PTGES3: variants seen among roughly 807,000 people sequenced by gnomAD.
PTGES3 encodes Hsp90 co-chaperone.
A neutral mutation model predicts 29.9 loss-of-function variants in PTGES3; 5 were observed. The observed-to-expected ratio is 0.17, with a 90% confidence interval of 0.09 to 0.35. The LOEUF (loss-of-function observed/expected upper bound fraction) is 0.35. PTGES3 is among the 10% of genes least tolerant of loss of function. The pLI, the probability that PTGES3 is intolerant of heterozygous loss-of-function variation, is 1.00. For missense variants in PTGES3, 128 were observed against 190.0 expected (o/e 0.67, Z 1.92); for synonymous variants, 49 against 57.8 (o/e 0.85, Z 0.69).
At chr12:56,674,825 C>CAAAAAAAAAAAAAAAAAAAA (rs869222252) in intron 1 of PTGES3, among the ~76,000 whole-genome samples, 4 of 16,110 alleles carry the variant, frequency 2.5e-4, no homozygotes, top group Non-Finnish European at 3.8e-4. Context: ...GACTCCATCT[C>CAAAAAAAAAAAAAAAAAAAA]AAAAAAAAAA....
At position 56,688,082 on chromosome 12, in the gene PTGES3, G is replaced by T; in HGVS notation, c.-83C>A. 1 of 1,444,338 alleles carries T rather than the reference G, an allele frequency of 6.9e-7. No individual in the cohort carries two copies. Among genetic ancestry groups the T allele is most frequent in the East Asian group, 2.7e-5 (1 of 36,410 alleles). 89.5% of individuals were successfully genotyped at this position (1,444,338 alleles called of 1,614,324 possible). On this transcript the variant is annotated 5_prime_UTR_variant, in exon 1 of 8. Transcript: ENST00000262033. ...CTGCTAGGGAGTCGACTTCTCTCCG[G>T]TGGCGACTCCGCTTTTTCTCTCCGG...
rs368571633 is a variant in PTGES3 at position 56,683,875 on chromosome 12, C to T, written c.2+4123G>A. ...TCGGGAGGCTGAGGCAAGAGAATGG[C>T]GTGAACCCCAGGGGGCGGAGCCTGC... On this transcript the variant is annotated intron_variant, in intron 1 of 7. Coordinates refer to ENST00000262033, the MANE Select transcript of PTGES3 (RefSeq NM_006601.7). Among the ~76,000 whole-genome samples the T allele has an allele frequency of 3.5e-3, 498 of 142,176 alleles. 1 individual carries two copies. The highest frequency in any genetic ancestry group is 0.012 in the African/African-American group (470 of 38,362). The allele number at this position is 142,176 out of a possible 152,430, so 93.3% of individuals were successfully genotyped here. A position where few individuals can be genotyped will look rare whatever the true frequency, so the allele number is the denominator to read the frequency against.
intron 6 of PTGES3, 158 bp downstream of exon 6, chr12:56,666,046 C>A: frequency 7.2e-7 from 1 of 1,390,890 alleles, no homozygotes; most frequent in Non-Finnish European, 9.4e-7. Context: ...TACCCCCATT[C>A]GTCAAAAATG....
chr12:56,676,599 C>T (rs937894314), intron 1 of PTGES3, among the ~76,000 whole-genome samples: 4 of 151,984 alleles, frequency 2.6e-5, no homozygotes, highest in Admixed American at 2.0e-4. Flanking sequence ...AAAAAGAGTG[C>T]TCAAAAGACG....
intron 4 of PTGES3, among the ~76,000 whole-genome samples, chr12:56,671,360 C>T (rs1951997868): frequency 6.6e-6 from 1 of 152,162 alleles, no homozygotes; most frequent in Non-Finnish European, 1.5e-5. Context: ...GATCGTGCCA[C>T]TGCACTCCAG....
intron 5 of PTGES3, among the ~76,000 whole-genome samples, chr12:56,669,007 A>ATT (rs577249197): frequency 1.4e-4 from 14 of 97,074 alleles, no homozygotes; most frequent in Middle Eastern, 6.6e-3. Context: ...TTCACCATGA[A>ATT]TTTTTTTTTT....
intron 5 of PTGES3, among the ~76,000 whole-genome samples, chr12:56,668,987 T>C (rs1001675298): frequency 6.7e-6 from 1 of 148,254 alleles, no homozygotes; most frequent in South Asian, 2.1e-4. Context: ...GTATATCTCA[T>C]GGTAAACATT....
intron 1 of PTGES3, chr12:56,686,963 C>T (rs1952893254): frequency 6.7e-6 from 2 of 299,132 alleles, no homozygotes; most frequent in Non-Finnish European, 1.2e-5. Context: ...GTTCTCCATA[C>T]CTTTTAGGAC....
intron 1 of PTGES3, chr12:56,687,510 CGAGGTCCGCGTGGGGCTCTCCCAG>C (rs1279799121): frequency 1.0e-6 from 1 of 998,390 alleles, no homozygotes; most frequent in East Asian, 1.1e-4. Flanking sequence ...CAGCTCACGG[CGAGGTCCGCGTGGGGCTCTCCCAG>C]GAGCTCCGCC....
intron 1 of PTGES3, among the ~76,000 whole-genome samples, chr12:56,684,312 A>C (rs1268062502): frequency 6.6e-6 from 1 of 152,186 alleles, no homozygotes; most frequent in East Asian, 1.9e-4. Flanking sequence ...TCCAGTTTCT[A>C]CTGCCTTCTA....
At chr12:56,687,885 A>G (rs1374748904) in intron 1 of PTGES3, 113 bp downstream of exon 1, 2 of 1,582,650 alleles carry the variant, frequency 1.3e-6, no homozygotes, top group Non-Finnish European at 1.7e-6. Flanking sequence ...GCCCCCAGGC[A>G]GGAACGACTG....
At chr12:56,686,634 C>T (rs547767193) in intron 1 of PTGES3, among the ~76,000 whole-genome samples, 3 of 152,152 alleles carry the variant, frequency 2.0e-5, no homozygotes, top group Admixed American at 2.0e-4. Flanking sequence ...GCCTCGGCCT[C>T]TCAGAGTGCT....
chr12:56,666,871 C>T (rs1443790409), intron 5 of PTGES3, among the ~76,000 whole-genome samples: 1 of 152,158 alleles, frequency 6.6e-6, no homozygotes, highest in African/African-American at 2.4e-5. Context: ...TAGTGATCCA[C>T]CCACCTTGGC....
intron 1 of PTGES3, among the ~76,000 whole-genome samples, chr12:56,685,123 A>T (rs544176674): frequency 6.6e-6 from 1 of 152,256 alleles, no homozygotes; most frequent in South Asian, 2.1e-4. Flanking sequence ...CACTTTTAAA[A>T]CAAGTTATCA....
chr12:56,672,621 T>C (rs1565865082), intron 3 of PTGES3, 119 bp downstream of exon 3: 1 of 1,163,178 alleles, frequency 8.6e-7, no homozygotes, highest in Non-Finnish European at 1.1e-6. Context: ...AAAATGTAAA[T>C]ATACATAGTT....
At chr12:56,686,817 C>T (rs918420141) in intron 1 of PTGES3, 2 of 398,196 alleles carry the variant, frequency 5.0e-6, no homozygotes, top group Non-Finnish European at 8.8e-6. Context: ...AGATTTCTAG[C>T]CAATATACTC....
At chr12:56,678,592 A>C (rs772819253) in intron 1 of PTGES3, among the ~76,000 whole-genome samples, 2 of 152,176 alleles carry the variant, frequency 1.3e-5, no homozygotes, top group Non-Finnish European at 2.9e-5. Flanking sequence ...TTGGTGCATC[A>C]ATTTTTTATA....
intron 1 of PTGES3, among the ~76,000 whole-genome samples, chr12:56,685,546 G>A (rs1486341220): frequency 1.3e-5 from 2 of 150,072 alleles, no homozygotes; most frequent in Admixed American, 6.7e-5. Flanking sequence ...GACCACAGGC[G>A]CCCGCCACCA....
chr12:56,684,101 T>C (rs1952713193), intron 1 of PTGES3, among the ~76,000 whole-genome samples: 1 of 152,148 alleles, frequency 6.6e-6, no homozygotes, highest in African/African-American at 2.4e-5. Context: ...CACGTAAATA[T>C]GATCTTAGGT....
Sources: allele counts gnomAD v4.1 joint callset (sites outside exome capture counted in the v4.1 genomes callset), GRCh38; gene constraint gnomAD v4.1.1; transcripts MANE v1.5; gene names NCBI Gene and HGNC (gene_info 2026-07-23, HGNC 2026-07-21).